IGLL5: variants seen among roughly 807,000 people sequenced by gnomAD.
IGLL5 encodes immunoglobulin lambda-like polypeptide 5.
A neutral mutation model predicts 20.9 loss-of-function variants in IGLL5; 30 were observed. That is an observed-to-expected ratio of 1.44 (90% CI 1.07 to 1.95). IGLL5 has a LOEUF of 1.95. Among genes scored for constraint, IGLL5 ranks in the 30% most tolerant of loss-of-function variants. IGLL5 has a pLI of 0.00. For missense variants in IGLL5, 475 were observed against 270.7 expected, an observed-to-expected ratio of 1.75 and a Z score of -5.30; for synonymous variants, 203 against 117.3, an observed-to-expected ratio of 1.73 and a Z score of -4.72.
chr22:22,894,927 C>A (rs1243900820), intron 2 of IGLL5, among the ~76,000 whole-genome samples: 1 of 151,302 alleles, frequency 6.6e-6, no homozygotes, highest in African/African-American at 2.4e-5. Context: ...ACACTGCCTG[C>A]CAGGACAGTC....
chr22:22,888,529 C>A (rs189361441), intron 1 of IGLL5, among the ~76,000 whole-genome samples: 1 of 151,298 alleles, frequency 6.6e-6, no homozygotes, highest in Non-Finnish European at 1.5e-5. Flanking sequence ...GCCTCAATCA[C>A]CTAGTCCTAG....
intron 2 of IGLL5, among the ~76,000 whole-genome samples, chr22:22,894,972 G>C (rs2066712821): frequency 6.6e-6 from 1 of 151,532 alleles, no homozygotes; most frequent in Non-Finnish European, 1.5e-5. Context: ...AGTTCACGGA[G>C]GAGGCTCTAG....
intron 1 of IGLL5, among the ~76,000 whole-genome samples, chr22:22,888,663 C>T (rs560579437): frequency 2.0e-5 from 3 of 151,300 alleles, no homozygotes; most frequent in South Asian, 2.1e-4. Context: ...TGCCTCCTGC[C>T]CAGTGAGGGC....
At chr22:22,890,246 G>C (rs956820957) in intron 1 of IGLL5, among the ~76,000 whole-genome samples, 1 of 149,116 alleles carries the variant, frequency 6.7e-6, no homozygotes, top group Non-Finnish European at 1.5e-5. Context: ...TCTTCCCAGA[G>C]ATAGCCACTG....
intron 2 of IGLL5, among the ~76,000 whole-genome samples, chr22:22,895,025 T>C (rs1368978421): frequency 1.3e-5 from 2 of 150,888 alleles, no homozygotes; most frequent in Non-Finnish European, 3.0e-5. Flanking sequence ...GGTATAGGGA[T>C]GGAAATGAGG....
chr22:22,894,192 C>G (rs573160578), intron 2 of IGLL5, among the ~76,000 whole-genome samples: 1 of 151,472 alleles, frequency 6.6e-6, no homozygotes, highest in Non-Finnish European at 1.5e-5. Context: ...CTGGGGTGGG[C>G]CTGGGAGCTG....
At chr22:22,891,803 C>T (rs1364575947) in intron 1 of IGLL5, among the ~76,000 whole-genome samples, 2 of 151,146 alleles carry the variant, frequency 1.3e-5, no homozygotes, top group African/African-American at 2.4e-5. Flanking sequence ...TAAATGATTA[C>T]TGTTTCTATA....
chr22:22,893,630 G>GC, intron 1 of IGLL5, 70 bp from the exon 2 acceptor site: 5 of 929,854 alleles, frequency 5.4e-6, no homozygotes, highest in Non-Finnish European at 8.3e-6. Flanking sequence ...TAGGGGGCTG[G>GC]CCACCCCCCT....
chr22:22,889,166 A>G (rs2071788042), intron 1 of IGLL5, among the ~76,000 whole-genome samples: 2 of 150,852 alleles, frequency 1.3e-5, no homozygotes, highest in South Asian at 2.1e-4. Context: ...GAGGGAGGAG[A>G]GGGGGTGATG....
At position 22,895,736 on chromosome 22, in the gene IGLL5, G is replaced by A. The variant is rs768078925; in HGVS notation, c.*42G>A. ...CCACCCACGGGAGCCTGGAGCTGCAGGATCCCAGGGGAGGGGTCTCTCTCC... is the reference window on the plus strand; with the variant it reads ...CCACCCACGGGAGCCTGGAGCTGCAAGATCCCAGGGGAGGGGTCTCTCTCC... On this transcript the variant is annotated 3_prime_UTR_variant, in exon 3 of 3. Transcript: ENST00000526893. The A allele has an allele frequency of 6.3e-7, 1 of 1,594,932 alleles. No homozygotes were observed. Among genetic ancestry groups the A allele is most frequent in the Admixed American group, 1.7e-5 (1 of 59,848 alleles).
chr22:22,894,085 A>C (rs746437955), intron 2 of IGLL5, among the ~76,000 whole-genome samples: 2 of 151,384 alleles, frequency 1.3e-5, no homozygotes, highest in Admixed American at 6.6e-5. Flanking sequence ...TCCAGGGCAG[A>C]TGTCTGAGTG....
rs748762893 is a variant in IGLL5 at position 22,895,733 on chromosome 22, G to T, written c.*39G>T. The T allele has an allele frequency of 1.8e-5, 28 of 1,595,530 alleles. No homozygotes were observed. The East Asian group carries it at 5.8e-4, about 33-fold the overall frequency. ...ACCCCACCCACGGGAGCCTGGAGCT[G>T]CAGGATCCCAGGGGAGGGGTCTCTC... On this transcript the variant is annotated 3_prime_UTR_variant, in exon 3 of 3. Transcript: ENST00000526893.
At chr22:22,888,506 C>T (rs537359988) in intron 1 of IGLL5, among the ~76,000 whole-genome samples, 4 of 151,398 alleles carry the variant, frequency 2.6e-5, no homozygotes, top group South Asian at 2.1e-4. Context: ...CTTAAATTTT[C>T]ACCAGGGTCA....
intron 1 of IGLL5, among the ~76,000 whole-genome samples, chr22:22,888,687 T>C (rs527453098): frequency 2.0e-5 from 3 of 151,316 alleles, no homozygotes; most frequent in African/African-American, 7.3e-5. Flanking sequence ...GGCCACTCCC[T>C]GGAGAAGGCA....
chr22:22,889,875 C>A (rs577271546), intron 1 of IGLL5, among the ~76,000 whole-genome samples: 2 of 151,274 alleles, frequency 1.3e-5, no homozygotes, highest in African/African-American at 4.9e-5. Context: ...GAATTACAGG[C>A]GTGAGCCACT....
chr22:22,894,252 G>A (rs1048760354), intron 2 of IGLL5, among the ~76,000 whole-genome samples: 1 of 151,224 alleles, frequency 6.6e-6, no homozygotes, highest in South Asian at 2.1e-4. Flanking sequence ...TGAGGGTCTA[G>A]GCTGAGGACT....
At chr22:22,890,460 G>A (rs2067800814) in intron 1 of IGLL5, among the ~76,000 whole-genome samples, 1 of 148,638 alleles carries the variant, frequency 6.7e-6, no homozygotes, top group African/African-American at 2.5e-5. Flanking sequence ...CACATTCATT[G>A]CTTATAAACT....
intron 1 of IGLL5, among the ~76,000 whole-genome samples, chr22:22,889,298 A>G (rs1473720399): frequency 6.6e-6 from 1 of 150,970 alleles, no homozygotes; most frequent in Non-Finnish European, 1.5e-5. Context: ...AGTTGAAGTG[A>G]GGGCTGAGCA....
intron 1 of IGLL5, among the ~76,000 whole-genome samples, chr22:22,891,328 T>A (rs34157530): frequency 0.026 from 3,907 of 151,328 alleles, 80 homozygotes; most frequent in Non-Finnish European, 0.039. Flanking sequence ...ATTTGTTGAA[T>A]ATAAATGCAA....
Sources: allele counts gnomAD v4.1 joint callset (sites outside exome capture counted in the v4.1 genomes callset), GRCh38; gene constraint gnomAD v4.1.1; transcripts MANE v1.5; gene names NCBI Gene and HGNC (gene_info 2026-07-23, HGNC 2026-07-21).